Variants in DOT1L observed in about 807,000 individuals in gnomAD.
DOT1L encodes DOT1 like histone lysine methyltransferase.
DOT1L carries 33 observed loss-of-function variants against 153.3 expected under a neutral mutation model. The observed-to-expected ratio is 0.22, with a 90% confidence interval of 0.16 to 0.29. The LOEUF (loss-of-function observed/expected upper bound fraction) is 0.29. DOT1L is among the 10% of genes least tolerant of loss of function. The pLI, the probability that DOT1L is intolerant of heterozygous loss-of-function variation, is 1.00. For synonymous variants in DOT1L, 1,135 were observed against 965.1 expected (o/e 1.18, Z -3.26); for missense variants, 1,847 against 2,119.9 (o/e 0.87, Z 2.53).
Position 2,207,611 on chromosome 19 carries a change from C to A in DOT1L, c.894C>A (p.Pro298=). ...GTIMRVVELS[P]LKGSVSWTGK... ...TCATGCGCGTGGTGGAGCTCTCGCC[C>A]CTGAAGGGCTCGGTGTCGTGGACGG... Residue 298 remains proline (P), a synonymous_variant, in exon 11 of 28, where the codon CCC becomes CCA. Coordinates refer to ENST00000398665, the MANE Select transcript of DOT1L (RefSeq NM_032482.3). This position sits in a 1 kb window ranked among gnomAD's most constrained non-coding sequence, Gnocchi z 4.5. 2 of 1,612,634 alleles carry A rather than the reference C, an allele frequency of 1.2e-6. No individual in the cohort carries two copies. The highest frequency in any genetic ancestry group is 8.5e-7 in the Non-Finnish European group (1 of 1,179,782).
chr19:2,213,611 A>G lies in DOT1L; in HGVS notation c.1630A>G (p.Arg544Gly), dbSNP rs1223634970. ...CTGCCAGGCCCAGAAGGAGGAGATC[A>G]GGAGGCTGTTTCAGCAAAAATTGGA... is the stretch of plus-strand genomic sequence containing the variant. ...SHCQAQKEEI[R>G]RLFQQKLDEL... The change falls in exon 17 of 28, where the codon AGG becomes GGG. Residue 544 changes from arginine to glycine, a missense_variant. Transcript: ENST00000398665. 10 of 1,613,802 alleles carry G rather than the reference A, an allele frequency of 6.2e-6. No individual in the cohort carries two copies. The highest frequency in any genetic ancestry group is 8.5e-6 in the Non-Finnish European group (10 of 1,179,984).
chr19:2,181,568 G>A (rs1266571618), intron 2 of DOT1L, among the ~76,000 whole-genome samples: 1 of 152,222 alleles, frequency 6.6e-6, no homozygotes, highest in African/African-American at 2.4e-5. Context: ...GAAATCGTTT[G>A]TGTAGGTCGG....
chr19:2,179,837 G>A (rs1471152093), intron 1 of DOT1L, among the ~76,000 whole-genome samples: 1 of 152,220 alleles, frequency 6.6e-6, no homozygotes, highest in Admixed American at 6.5e-5. Flanking sequence ...CTGTTTCCCA[G>A]GCTGGCCTCG....
At chr19:2,206,643 CATT>C (rs2023507314) in intron 9 of DOT1L, 83 bp from the exon 10 acceptor site, 7 of 1,361,202 alleles carry the variant, frequency 5.1e-6, no homozygotes, top group Non-Finnish European at 6.3e-6. Context: ...TGTTCCGTGT[CATT>C]GTTCCTTCTC....
intron 22 of DOT1L, among the ~76,000 whole-genome samples, chr19:2,218,607 A>C (rs943482704): frequency 2.0e-5 from 3 of 151,456 alleles, no homozygotes; most frequent in Non-Finnish European, 4.4e-5. Context: ...GTTAGCCAGG[A>C]TGGTCTTGAT....
rs2024084985 is a variant in DOT1L at position 2,220,695 on chromosome 19, C to T, written c.2806+473C>T. 5.5e-6 allele frequency: 2 copies of T among 364,116 alleles called. No individual in the cohort carries two copies. Among genetic ancestry groups the T allele is most frequent in the Non-Finnish European group, 1.1e-5 (2 of 182,490 alleles). 22.6% of individuals were successfully genotyped at this position (364,116 alleles called of 1,614,324 possible). On this transcript the variant is annotated intron_variant, in intron 23 of 27. Transcript: ENST00000398665. The surrounding 1 kb of genome is among the most constrained non-coding windows in gnomAD (Gnocchi z 4.5). ...TTCTGCAGAGAGCCAGAGAGGATGC[C>T]ACTTTGGCTTTTGTTGACACTGCAG...
rs770226237 is a variant in DOT1L at position 2,173,765 on chromosome 19, C to T, written c.82-6948C>T. Among the ~76,000 whole-genome samples, 13 of 152,280 alleles carry T rather than the reference C, an allele frequency of 8.5e-5. No individual in the cohort carries two copies. In the South Asian group the frequency reaches 1.5e-3, roughly 17 times the overall value. On this transcript the variant is annotated intron_variant, in intron 1 of 27. Coordinates refer to ENST00000398665, the MANE Select transcript of DOT1L (RefSeq NM_032482.3). ...AAGTGTGAACCTTCCCGGTACCTTGCGAGTGCCTCACTACGCACTTCAAGA... is the reference window on the plus strand; with the variant it reads ...AAGTGTGAACCTTCCCGGTACCTTGTGAGTGCCTCACTACGCACTTCAAGA...
At chr19:2,202,574 G>A (rs2144793002) in intron 8 of DOT1L, 126 bp from the exon 9 acceptor site, 1 of 894,084 alleles carries the variant, frequency 1.1e-6, no homozygotes, top group Non-Finnish European at 1.8e-6. Flanking sequence ...GCGTGGGCTT[G>A]GCCCTGGAGG....
chr19:2,195,666 G>A (rs1184713875), intron 7 of DOT1L, among the ~76,000 whole-genome samples: 1 of 152,144 alleles, frequency 6.6e-6, no homozygotes, highest in East Asian at 1.9e-4. Context: ...GGCAGAAGGA[G>A]TGCTGGGTGG....
Position 2,220,329 on chromosome 19 carries a change from T to C in DOT1L, c.2806+107T>C. ...GGAACAGGGCTTCCTGGGGTGATCA[T>C]GGGGGCTGCTGCCCCAAACCGCCAC... On this transcript the variant is annotated intron_variant, in intron 23 of 27. Transcript: ENST00000398665. The surrounding 1 kb of genome is among the most constrained non-coding windows in gnomAD (Gnocchi z 4.5). 1 of 1,121,660 alleles carries C rather than the reference T, an allele frequency of 8.9e-7. No homozygotes were observed. Among genetic ancestry groups the C allele is most frequent in the Non-Finnish European group, 1.3e-6 (1 of 766,724 alleles). The allele number at this position is 1,121,660 out of a possible 1,614,324, so 69.5% of individuals were successfully genotyped here.
chr19:2,170,685 C>T (rs2021568245), intron 1 of DOT1L, among the ~76,000 whole-genome samples: 1 of 152,162 alleles, frequency 6.6e-6, no homozygotes, highest in Non-Finnish European at 1.5e-5. Flanking sequence ...GGCTGTAAAT[C>T]CAGGTTCCCG....
chr19:2,187,802 G>A (rs1209870684), intron 3 of DOT1L, among the ~76,000 whole-genome samples: 17 of 152,020 alleles, frequency 1.1e-4, no homozygotes, highest in African/African-American at 2.4e-4. Context: ...GGTGCCTGTA[G>A]TCCCAGTTAG....
chr19:2,230,309 A>G lies in DOT1L; in HGVS notation c.*517A>G, dbSNP rs946127418. 8 of 414,904 alleles carry G rather than the reference A, an allele frequency of 1.9e-5. No individual in the cohort carries two copies. The highest frequency in any genetic ancestry group is 4.1e-5 in the Admixed American group (1 of 24,372). 25.7% of individuals were successfully genotyped at this position (414,904 alleles called of 1,614,324 possible). A position where few individuals can be genotyped will look rare whatever the true frequency, so the allele number is the denominator to read the frequency against. ...CCAAAGGCAGGCCCGTCGCCACCAC[A>G]TTCCTCGGAGGCCTCCCCGCGGCCT... On this transcript the variant is annotated 3_prime_UTR_variant, in exon 28 of 28. Coordinates refer to ENST00000398665, the MANE Select transcript of DOT1L (RefSeq NM_032482.3).
chr19:2,173,963 T>C (rs1028041633), intron 1 of DOT1L, among the ~76,000 whole-genome samples: 7 of 152,090 alleles, frequency 4.6e-5, no homozygotes, highest in African/African-American at 1.7e-4. Flanking sequence ...CTTGGGCTGT[T>C]TGTTTGTTTG....
At position 2,203,345 on chromosome 19, in the gene DOT1L, C is replaced by T. The variant is rs549380489; in HGVS notation, c.787+566C>T. Among the ~76,000 whole-genome samples, 13 of 152,336 alleles carry T rather than the reference C, an allele frequency of 8.5e-5. 1 individual carries two copies. In the South Asian group the frequency reaches 2.7e-3, roughly 32 times the overall value. ...GAACTCCCGATGTCAGGGTGATCTG[C>T]CCGCCTCGGCCCCCGCAAAGTTTTG... On this transcript the variant is annotated intron_variant, in intron 9 of 27. Transcript: ENST00000398665.
chr19:2,222,018 C>G lies in DOT1L; in HGVS notation c.2849C>G (p.Ala950Gly). 2 of 1,611,228 alleles carry G rather than the reference C, an allele frequency of 1.2e-6. No homozygotes were observed. Among genetic ancestry groups the G allele is most frequent in the Non-Finnish European group, 1.7e-6 (2 of 1,179,196 alleles). The change falls in exon 24 of 28, where the codon GCG becomes GGG. Residue 950 changes from alanine (A) to glycine (G), a missense_variant. By Grantham distance (60) the Ala-to-Gly change is moderately conservative. Transcript: ENST00000398665. This position sits in a 1 kb window ranked among gnomAD's most constrained non-coding sequence, Gnocchi z 6.5. ...TCGGTGGCCATCAGCGGGGCCTTGG[C>G]GGGCAGCCCGGCCTCTCTCACACCT... ...AGSVAISGAL[A>G]GSPASLTPGA... is the part of the protein sequence containing the mutation.
chr19:2,185,796 CACAAA>C (rs963146496), intron 2 of DOT1L, 54 bp from the exon 3 acceptor site: 19 of 1,577,894 alleles, frequency 1.2e-5, no homozygotes, highest in South Asian at 8.9e-5. Context: ...AAAAACAAAA[CACAAA>C]ACAAAACAAA....
intron 1 of DOT1L, among the ~76,000 whole-genome samples, chr19:2,179,412 C>T (rs1022975661): frequency 4.6e-5 from 7 of 152,052 alleles, no homozygotes; most frequent in South Asian, 2.1e-4. Flanking sequence ...GCCTCTGACG[C>T]GCCCTGTGGA....
chr19:2,194,597 C>A lies in DOT1L; in HGVS notation c.651+20C>A. ...TACACAGTGAGTGCCATCGCTCCGC[C>A]CCGGCTCCCATCGCCGGCCCCACCC... On this transcript the variant is annotated intron_variant, in intron 7 of 27. Coordinates refer to ENST00000398665, the MANE Select transcript of DOT1L (RefSeq NM_032482.3). 1 of 1,608,660 alleles carries A rather than the reference C, an allele frequency of 6.2e-7. No homozygotes were observed. Among genetic ancestry groups the A allele is most frequent in the Non-Finnish European group, 8.5e-7 (1 of 1,179,434 alleles).
Sources: allele counts gnomAD v4.1 joint callset (sites outside exome capture counted in the v4.1 genomes callset), GRCh38; gene constraint gnomAD v4.1.1; non-coding constraint Gnocchi (gnomAD v3.1); transcripts MANE v1.5; gene names NCBI Gene and HGNC (gene_info 2026-07-23, HGNC 2026-07-21).